HOXC12: variants seen among roughly 807,000 people sequenced by gnomAD.
HOXC12 encodes homeobox C12, also known as homeobox protein Hox-C12.
Under a neutral mutation model 20.9 loss-of-function variants are expected in HOXC12, and 24 were observed. The observed-to-expected ratio is 1.15, with a 90% CI of 0.83 to 1.61. The LOEUF (loss-of-function observed/expected upper bound fraction) is 1.61. HOXC12 is among the 40% of genes most tolerant of loss of function. The pLI is 0.00. For missense variants in HOXC12, 436 were observed against 406.9 expected (o/e 1.07, Z -0.62); for synonymous variants, 202 against 197.7 (o/e 1.02, Z -0.18).
rs1938909346 is a variant in HOXC12 at position 53,958,801 on chromosome 12, T to C, written c.*2235T>C. 1 of 152,186 alleles carries C rather than the reference T, an allele frequency of 6.6e-6. No homozygotes were observed. Among genetic ancestry groups the C allele is most frequent in the Non-Finnish European group, 1.5e-5 (1 of 68,048 alleles). The allele number at this position is 152,186 out of a possible 1,614,324, so 9.4% of individuals were successfully genotyped here. A position where few individuals can be genotyped will look rare whatever the true frequency, so the allele number is the denominator to read the frequency against. ...TCGCTGGTACCTAGTGTAGTCCCTGTGGATAGTTGCCCTTCCCCTAGCTGC... is the reference window on the plus strand; with the variant it reads ...TCGCTGGTACCTAGTGTAGTCCCTGCGGATAGTTGCCCTTCCCCTAGCTGC... On this transcript the variant is annotated 3_prime_UTR_variant, in exon 2 of 2. Coordinates refer to ENST00000243103, the MANE Select transcript of HOXC12 (RefSeq NM_173860.3).
At position 53,955,670 on chromosome 12, in the gene HOXC12, T is replaced by G. The variant is rs370563917; in HGVS notation, c.610+131T>G. On this transcript the variant is annotated intron_variant, in intron 1 of 1. Coordinates refer to ENST00000243103, the MANE Select transcript of HOXC12 (RefSeq NM_173860.3). ...AGGAAGAGCTTCTTATAAAATGAAGTGCGGGTGGGGGGAGCCTATAAACAT... is the reference window on the plus strand; with the variant it reads ...AGGAAGAGCTTCTTATAAAATGAAGGGCGGGTGGGGGGAGCCTATAAACAT... The G allele has an allele frequency of 4.3e-5, 46 of 1,073,274 alleles. 1 individual carries two copies. The highest frequency in any genetic ancestry group is 2.5e-4 in the Admixed American group (6 of 23,770). 66.5% of individuals were successfully genotyped at this position (1,073,274 alleles called of 1,614,324 possible). A position where few individuals can be genotyped will look rare whatever the true frequency, so the allele number is the denominator to read the frequency against.
Position 53,955,220 on chromosome 12 carries a change from G to A in HOXC12, c.291G>A (p.Glu97=), listed in dbSNP as rs1938837501. ...AGGACGGCAAGGGTTACTACCGCGA[G>A]CCGTGCGCCGAGGGTGGCGGCGGGG... is the stretch of plus-strand genomic sequence containing the variant. ...RVEDGKGYYR[E]PCAEGGGGGL... The change falls in exon 1 of 2, where the codon GAG becomes GAA. Residue 97 remains glutamate, a synonymous_variant. Coordinates refer to ENST00000243103, the MANE Select transcript of HOXC12 (RefSeq NM_173860.3). 2.5e-6 allele frequency: 4 copies of A among 1,600,084 alleles called. No individual in the cohort carries two copies. The East Asian group carries it at 9.0e-5, about 36-fold the overall frequency.
rs1260844900 is a variant in HOXC12, at chr12:53,958,170, G to A, written c.*1604G>A. The A allele has an allele frequency of 6.6e-6, 1 of 152,218 alleles. No individual in the cohort carries two copies. The highest frequency in any genetic ancestry group is 6.5e-5 in the Admixed American group (1 of 15,286). 9.4% of individuals were successfully genotyped at this position (152,218 alleles called of 1,614,324 possible). A position where few individuals can be genotyped will look rare whatever the true frequency, so the allele number is the denominator to read the frequency against. On this transcript the variant is annotated 3_prime_UTR_variant, in exon 2 of 2. Transcript: ENST00000243103. ...GCTGGCTTGGAGTGTTTCCCATATGGGGAGAGTCTCCCCTAACAAACTCTC... is the reference window on the plus strand; with the variant it reads ...GCTGGCTTGGAGTGTTTCCCATATGAGGAGAGTCTCCCCTAACAAACTCTC...
intron 1 of HOXC12, among the ~76,000 whole-genome samples, 195 bp downstream of exon 1, chr12:53,955,734 T>G (rs1015325157): frequency 6.6e-6 from 1 of 152,102 alleles, no homozygotes; most frequent in African/African-American, 2.4e-5. Context: ...GTGTTCCTTT[T>G]TCGTCTGCCT....
At chr12:53,955,594 G>A (rs1938852831) in intron 1 of HOXC12, 55 bp downstream of exon 1, 2 of 1,364,254 alleles carry the variant, frequency 1.5e-6, no homozygotes, top group South Asian at 1.7e-5. Flanking sequence ...TTACCAGGGC[G>A]GGCAGAACAG....
In HOXC12 at chr12:53,956,422, C is replaced by T. The variant is rs1164592415; in HGVS notation, c.705C>T (p.Val235=). 4 of 1,613,976 alleles carry T rather than the reference C, an allele frequency of 2.5e-6. No homozygotes were observed. In the Admixed American group the frequency reaches 6.7e-5, roughly 27 times the overall value. Reference sequence around the variant, plus strand: ...CAGAGCTGGAGGGCGAGTTTCTGGTCAACGAGTTCATCACACGCCAGCGCC... The same window carrying T: ...CAGAGCTGGAGGGCGAGTTTCTGGTTAACGAGTTCATCACACGCCAGCGCC... ...QLAELEGEFL[V]NEFITRQRRR... The change falls in exon 2 of 2, where the codon GTC becomes GTT. Residue 235 remains valine, a synonymous_variant. Coordinates refer to ENST00000243103, the MANE Select transcript of HOXC12 (RefSeq NM_173860.3).
rs1192010086 is a variant in HOXC12, at chr12:53,955,254, C to T, written c.325C>T (p.Arg109Cys). Reference protein sequence around the residue: ...CAEGGGGGLKREERGRDPGAG... With the variant: ...CAEGGGGGLKCEERGRDPGAG... ...CGAGGGTGGCGGCGGGGGCCTGAAG[C>T]GTGAGGAGCGCGGGCGCGACCCGGG... The change falls in exon 1 of 2, where the codon CGT becomes TGT. Residue 109 changes from arginine to cysteine, a missense_variant. Physicochemically the swap from Arg to Cys is radical, Grantham distance 180. Transcript: ENST00000243103. 6.5e-6 allele frequency: 10 copies of T among 1,536,292 alleles called. No individual in the cohort carries two copies. The Admixed American group carries it at 7.7e-5, about 12-fold the overall frequency.
In HOXC12 at chr12:53,958,763, T is replaced by C. The variant is rs1741216501; in HGVS notation, c.*2197T>C. 6.6e-6 allele frequency: 1 copy of C among 152,242 alleles called. No individual in the cohort carries two copies. The highest frequency in any genetic ancestry group is 6.5e-5 in the Admixed American group (1 of 15,288). 9.4% of individuals were successfully genotyped at this position (152,242 alleles called of 1,614,324 possible). Reference sequence around the variant, plus strand: ...AGGTTCTCTGTCAATCTGTGTCTTGTTCTCTGTGTCTGTCGCTGGTACCTA... The same window carrying C: ...AGGTTCTCTGTCAATCTGTGTCTTGCTCTCTGTGTCTGTCGCTGGTACCTA... On this transcript the variant is annotated 3_prime_UTR_variant, in exon 2 of 2. Transcript: ENST00000243103.
Position 53,957,574 on chromosome 12 carries a change from TTCACGG to T in HOXC12, c.*1013_*1018del, listed in dbSNP as rs1381019989. ...TCTGATTCTCCCTTCCCCGCTGGCG[TTCACGG>T]TCACTGCCTCACGGGCCGGCCAGAG... is the stretch of plus-strand genomic sequence containing the variant. On this transcript the variant is annotated 3_prime_UTR_variant, in exon 2 of 2. Coordinates refer to ENST00000243103, the MANE Select transcript of HOXC12 (RefSeq NM_173860.3). The T allele has an allele frequency of 7.9e-6, 1 of 126,554 alleles. No individual in the cohort carries two copies. The highest frequency in any genetic ancestry group is 1.7e-5 in the Non-Finnish European group (1 of 58,460). 7.8% of individuals were successfully genotyped at this position (126,554 alleles called of 1,614,324 possible).
In HOXC12 at chr12:53,955,335, G is replaced by C. The variant is rs1045137364; in HGVS notation, c.406G>C (p.Gly136Arg). 9.3e-6 allele frequency: 13 copies of C among 1,397,900 alleles called. No individual in the cohort carries two copies. The highest frequency in any genetic ancestry group is 1.2e-5 in the Non-Finnish European group (13 of 1,084,200). The allele number at this position is 1,397,900 out of a possible 1,614,324, so 86.6% of individuals were successfully genotyped here. ...PLEPSGPPAL[G>R]FKYDYAAGGG... is the part of the protein sequence containing the mutation. ...GGAGCCGTCGGGGCCGCCTGCGCTC[G>C]GCTTCAAGTACGACTACGCGGCGGG... Residue 136 changes from glycine to arginine, a missense_variant, in exon 1 of 2, where the codon GGC (glycine) becomes CGC (arginine). Transcript: ENST00000243103.
In HOXC12 at chr12:53,955,138, G is replaced by A. The variant is rs200211899; in HGVS notation, c.209G>A (p.Gly70Asp). 2.5e-6 allele frequency: 4 copies of A among 1,610,450 alleles called. No individual in the cohort carries two copies. Among genetic ancestry groups the A allele is most frequent in the Non-Finnish European group, 3.4e-6 (4 of 1,178,842 alleles). The change falls in exon 1 of 2, where the codon GGC becomes GAC. Residue 70 changes from glycine (G) to aspartate (D), a missense_variant. By Grantham distance (94) the Gly-to-Asp change is moderately conservative. Coordinates refer to ENST00000243103, the MANE Select transcript of HOXC12 (RefSeq NM_173860.3). ...AATGGCTACCCGCAGCCCTACCTCG[G>A]CAGCCCAGTGTCTCTCAACCCTCCC... is the stretch of plus-strand genomic sequence containing the variant. ...PCNGYPQPYL[G>D]SPVSLNPPFG...
In HOXC12 at chr12:53,956,338, G is replaced by A. The variant is rs749898210; in HGVS notation, c.621G>A (p.Trp207Ter). The part of the protein sequence containing the change: ...GGGLSASGAP[W>*]YPINSRSRKK... The stretch of plus-strand genomic sequence containing the variant: ...TTCATCTCCACCCAGGCGCGCCCTG[G>A]TACCCGATCAACAGCCGCTCTCGGA... The change falls in exon 2 of 2, where the codon TGG becomes TGA. Residue 207 changes from tryptophan to a stop codon, truncating the protein, a stop_gained. Transcript: ENST00000243103. LOFTEE classifies it high-confidence loss of function. 3.1e-6 allele frequency: 5 copies of A among 1,594,410 alleles called. No homozygotes were observed. In the South Asian group the frequency reaches 5.7e-5, roughly 18 times the overall value.
At position 53,956,465 on chromosome 12, in the gene HOXC12, C is replaced by A. The variant is rs745967545; in HGVS notation, c.748C>A (p.Arg250Ser). ...CCAGCGCCGGAGGGAACTCTCAGAC[C>A]GCTTGAATCTTAGTGACCAGCAGGT... is the stretch of plus-strand genomic sequence containing the variant. ...TRQRRRELSD[R>S]LNLSDQQVKI... The change falls in exon 2 of 2, where the codon CGC becomes AGC. Residue 250 changes from arginine (R) to serine (S), a missense_variant. Physicochemically the swap from Arg to Ser is moderately radical, Grantham distance 110. Transcript: ENST00000243103. 1 of 1,614,186 alleles carries A rather than the reference C, an allele frequency of 6.2e-7. No homozygotes were observed. Among genetic ancestry groups the A allele is most frequent in the Non-Finnish European group, 8.5e-7 (1 of 1,180,022 alleles).
At chr12:53,955,574 AC>A (rs1220325186) in intron 1 of HOXC12, 35 bp downstream of exon 1, 16 of 1,384,336 alleles carry the variant, frequency 1.2e-5, no homozygotes, top group Non-Finnish European at 1.5e-5. Flanking sequence ...GCGGATTCAA[AC>A]CCGACCTCTT....
At chr12:53,955,655 T>A (rs531875959) in intron 1 of HOXC12, 116 bp downstream of exon 1, 31 of 1,177,752 alleles carry the variant, frequency 2.6e-5, no homozygotes, top group Non-Finnish European at 3.0e-5. Context: ...AGGAAGAGCT[T>A]CTTATAAAAT....
In HOXC12 at chr12:53,958,215, T is replaced by G. The variant is rs1416687251; in HGVS notation, c.*1649T>G. 3 of 152,440 alleles carry G rather than the reference T, an allele frequency of 2.0e-5. No individual in the cohort carries two copies. The highest frequency in any genetic ancestry group is 7.2e-5 in the African/African-American group (3 of 41,516). The allele number at this position is 152,440 out of a possible 1,614,324, so 9.4% of individuals were successfully genotyped here. ...ACTCTCCAAAGGCAATCCACCGAGCTTTTTACTCTCCCACCAGCACACAGC... is the reference window on the plus strand; with the variant it reads ...ACTCTCCAAAGGCAATCCACCGAGCGTTTTACTCTCCCACCAGCACACAGC... On this transcript the variant is annotated 3_prime_UTR_variant, in exon 2 of 2. Transcript: ENST00000243103.
In HOXC12 at chr12:53,955,034, G is replaced by A. The variant is rs1285496461; in HGVS notation, c.105G>A (p.Gln35=). 1 of 1,614,074 alleles carries A rather than the reference G, an allele frequency of 6.2e-7. No individual in the cohort carries two copies. Among genetic ancestry groups the A allele is most frequent in the African/African-American group, 1.3e-5 (1 of 75,074 alleles). The change falls in exon 1 of 2, where the codon CAG becomes CAA. Residue 35 remains glutamine, a synonymous_variant. Transcript: ENST00000243103. The part of the protein sequence containing the change: ...YFPNFRASGA[Q]LPGLPSLSYP... ...CCAACTTCCGCGCGTCCGGGGCGCA[G>A]CTTCCCGGGCTGCCTTCGCTGTCCT...
At position 53,958,838 on chromosome 12, in the gene HOXC12, T is replaced by C. The variant is rs976292380; in HGVS notation, c.*2272T>C. The C allele has an allele frequency of 6.6e-6, 1 of 152,210 alleles. No individual in the cohort carries two copies. Among genetic ancestry groups the C allele is most frequent in the African/African-American group, 2.4e-5 (1 of 41,424 alleles). 9.4% of individuals were successfully genotyped at this position (152,210 alleles called of 1,614,324 possible). On this transcript the variant is annotated 3_prime_UTR_variant, in exon 2 of 2. Coordinates refer to ENST00000243103, the MANE Select transcript of HOXC12 (RefSeq NM_173860.3). The stretch of plus-strand genomic sequence containing the variant: ...CTTCCCCTAGCTGCCTCCCCAGCTC[T>C]CTGTAGTGTAATTCTCCTATTCCAA...
chr12:53,955,130 C>T lies in HOXC12; in HGVS notation c.201C>T (p.Pro67=). The T allele has an allele frequency of 6.2e-7, 1 of 1,610,746 alleles. No homozygotes were observed. The highest frequency in any genetic ancestry group is 8.5e-7 in the Non-Finnish European group (1 of 1,178,932). Reference sequence around the variant, plus strand: ...AGCCGTGCAATGGCTACCCGCAGCCCTACCTCGGCAGCCCAGTGTCTCTCA... The same window carrying T: ...AGCCGTGCAATGGCTACCCGCAGCCTTACCTCGGCAGCCCAGTGTCTCTCA... ...SAEPCNGYPQ[P]YLGSPVSLNP... is the part of the protein sequence containing the mutation. Residue 67 remains proline, a synonymous_variant, in exon 1 of 2, where the codon CCC becomes CCT. Coordinates refer to ENST00000243103, the MANE Select transcript of HOXC12 (RefSeq NM_173860.3).
Sources: gnomAD v4.1 joint callset for allele counts (sites outside exome capture counted in the v4.1 genomes callset) on GRCh38, gnomAD v4.1.1 for gene constraint, MANE v1.5 for transcripts, NCBI Gene and HGNC (gene_info 2026-07-23, HGNC 2026-07-21) for gene names.